The following C13orf42 variants were observed in gnomAD, a reference collection of about 807,000 sequenced individuals.
The protein encoded by C13orf42 is uncharacterized protein C13orf42.
chr13:51,169,688 G>A (rs2138056112), intron 1 of C13orf42, among the ~76,000 whole-genome samples: 1 of 132,606 alleles, frequency 7.5e-6, no homozygotes, highest in Non-Finnish European at 1.7e-5. Flanking sequence ...ATGGCTAAAA[G>A]GGGCCAAGGT....
intron 1 of C13orf42, among the ~76,000 whole-genome samples, chr13:51,163,783 T>C (rs745526678): frequency 3.9e-5 from 6 of 152,140 alleles, no homozygotes; most frequent in Non-Finnish European, 7.3e-5. Flanking sequence ...AGGGTATGCT[T>C]GAGTTATTGC....
At chr13:51,108,174 G>A (rs897400131) in intron 1 of C13orf42, among the ~76,000 whole-genome samples, 3 of 152,086 alleles carry the variant, frequency 2.0e-5, no homozygotes, top group African/African-American at 7.2e-5. Flanking sequence ...TGGGATTAGG[G>A]GCCCACCCTA....
chr13:51,135,218 G>A (rs1203629637), intron 1 of C13orf42, among the ~76,000 whole-genome samples: 6 of 152,178 alleles, frequency 3.9e-5, no homozygotes, highest in Admixed American at 6.5e-5. Context: ...GTGCAGCTGC[G>A]GCTACAACTG....
intron 1 of C13orf42, among the ~76,000 whole-genome samples, chr13:51,131,774 C>T (rs1953618760): frequency 1.3e-5 from 2 of 152,140 alleles, no homozygotes; most frequent in South Asian, 4.1e-4. Context: ...CATGATTTGT[C>T]TTTAGTGAAA....
rs373504594 is a variant in C13orf42 at position 51,085,445 on chromosome 13, C to T, written c.677G>A (p.Arg226Gln). ...HTVHTVDGQF[R>Q]RSTEHRTVGT... ...CACGGTCCTGTGCTCGGTGCTCCTT[C>T]GAAACTGGCCGTCTACAGTATGCAC... Residue 226 changes from arginine to glutamine, a missense_variant, in exon 3 of 4, where the codon CGA becomes CAA. Arg to Gln is a conservative substitution (Grantham distance 43). Coordinates refer to ENST00000563710, the MANE Select transcript of C13orf42 (RefSeq NM_001351589.3). 25 of 398,606 alleles carry T rather than the reference C, an allele frequency of 6.3e-5. No homozygotes were observed. Among genetic ancestry groups the T allele is most frequent in the South Asian group, 3.8e-4 (3 of 7,856 alleles). 24.7% of individuals were successfully genotyped at this position (398,606 alleles called of 1,614,324 possible).
chr13:51,110,852 TGGA>T lies in C13orf42; in HGVS notation c.355_357del (p.Ser119del). On this transcript the variant is annotated inframe_deletion, in exon 1 of 4. Transcript: ENST00000563710. The stretch of plus-strand genomic sequence containing the variant: ...GTCTTTTTCCCTCCCTTGGAGGATT[TGGA>T]GGAGGTTGAGGAAATCCCCTGGGTG... The T allele has an allele frequency of 5.0e-6, 2 of 398,678 alleles. No homozygotes were observed. The highest frequency in any genetic ancestry group is 8.8e-6 in the Non-Finnish European group (2 of 226,088). The allele number at this position is 398,678 out of a possible 1,614,324, so 24.7% of individuals were successfully genotyped here.
chr13:51,102,107 G>C (rs537018607), intron 1 of C13orf42, among the ~76,000 whole-genome samples: 1 of 152,174 alleles, frequency 6.6e-6, no homozygotes, highest in Non-Finnish European at 1.5e-5. Context: ...ATTTTTTGCA[G>C]TTCATATTGA....
chr13:51,163,521 C>A lies in C13orf42; in HGVS notation n.136+8732G>T, dbSNP rs183980055. On this transcript the variant is annotated intron_variant and non_coding_transcript_variant, in intron 1 of 4. Transcript: ENST00000433280. Reference sequence around the variant, plus strand: ...CAGTGAGCAGACAGAAAAACCACTACTGTTTGTAAAAAGCATGCAGTTTCT... The same window carrying A: ...CAGTGAGCAGACAGAAAAACCACTAATGTTTGTAAAAAGCATGCAGTTTCT... Among the ~76,000 whole-genome samples, 113 of 152,270 alleles carry A rather than the reference C, an allele frequency of 7.4e-4. 1 individual carries two copies. The highest frequency in any genetic ancestry group is 2.6e-3 in the African/African-American group (109 of 41,554).
rs1444848861 is a variant in C13orf42, at chr13:51,084,236, G to C, written c.893C>G (p.Ser298Cys). The change falls in exon 4 of 4, where the codon TCT (serine) becomes TGT (cysteine). Residue 298 changes from serine to cysteine, a missense_variant. By Grantham distance (112) the Ser-to-Cys change is moderately radical. Coordinates refer to ENST00000563710, the MANE Select transcript of C13orf42 (RefSeq NM_001351589.3). ...TGTCTCATAGTAGTCCTCCCCAGGA[G>C]ACAACTGGGGCTCCAACGCAAAGAG... is the stretch of plus-strand genomic sequence containing the variant. ...AELFALEPQL[S>C]PGEDYYETEN... 5.0e-6 allele frequency: 2 copies of C among 398,590 alleles called. No homozygotes were observed. Among genetic ancestry groups the C allele is most frequent in the Admixed American group, 8.8e-5 (2 of 22,722 alleles). 24.7% of individuals were successfully genotyped at this position (398,590 alleles called of 1,614,324 possible).
chr13:51,091,098 C>T (rs1209983629), intron 1 of C13orf42, among the ~76,000 whole-genome samples: 1 of 152,218 alleles, frequency 6.6e-6, no homozygotes, highest in African/African-American at 2.4e-5. Context: ...CAATTACCAT[C>T]CCAGGATCAC....
At chr13:51,094,219 C>T (rs1273131261) in intron 1 of C13orf42, among the ~76,000 whole-genome samples, 1 of 152,092 alleles carries the variant, frequency 6.6e-6, no homozygotes, top group Non-Finnish European at 1.5e-5. Context: ...CCAAAGAAAA[C>T]TTAATTTTTA....
intron 1 of C13orf42, among the ~76,000 whole-genome samples, chr13:51,108,661 C>A (rs935864155): frequency 3.9e-5 from 6 of 152,226 alleles, no homozygotes; most frequent in Admixed American, 3.3e-4. Context: ...GAGCCTACTC[C>A]TCACATTATC....
intron 1 of C13orf42, among the ~76,000 whole-genome samples, chr13:51,144,518 T>TCTCCAGAATTG (rs1555268300): frequency 5.1e-5 from 6 of 117,874 alleles, no homozygotes; most frequent in African/African-American, 1.0e-4. Flanking sequence ...TGTTTTCATT[T>TCTCCAGAATTG]GTAACAGGAC....
chr13:51,090,979 G>C (rs1213959801), intron 1 of C13orf42, among the ~76,000 whole-genome samples: 1 of 152,204 alleles, frequency 6.6e-6, no homozygotes, highest in Non-Finnish European at 1.5e-5. Flanking sequence ...CTTTGCTAGA[G>C]GTGAGATTCC....
chr13:51,108,918 T>C (rs188981377), intron 1 of C13orf42, among the ~76,000 whole-genome samples: 2 of 152,366 alleles, frequency 1.3e-5, no homozygotes, highest in Admixed American at 6.5e-5. Flanking sequence ...TCTGCTTCTA[T>C]TCCCTCCATC....
intron 1 of C13orf42, among the ~76,000 whole-genome samples, chr13:51,142,075 G>A (rs7999437): frequency 0.095 from 14,411 of 152,204 alleles, 833 homozygotes; most frequent in East Asian, 0.26. Context: ...AATGATCTTC[G>A]CTTATGTAAT....
Position 51,111,090 on chromosome 13 carries a change from A to T in C13orf42, c.120T>A (p.Tyr40Ter), listed in dbSNP as rs1036779986. 11 of 398,528 alleles carry T rather than the reference A, an allele frequency of 2.8e-5. No individual in the cohort carries two copies. The highest frequency in any genetic ancestry group is 2.3e-4 in the African/African-American group (11 of 48,616). 24.7% of individuals were successfully genotyped at this position (398,528 alleles called of 1,614,324 possible). Reference sequence around the variant, plus strand: ...ATTTCTCCCCGTGGTCCCCGACCACATACATGGAACTGCTTCGAATCAGCT... The same window carrying T: ...ATTTCTCCCCGTGGTCCCCGACCACTTACATGGAACTGCTTCGAATCAGCT... ...AVKLIRSSSM[Y>*]VVGDHGEKFS... The change falls in exon 1 of 4, where the codon TAT becomes TAA. Residue 40 changes from tyrosine to a stop codon, truncating the protein, a stop_gained. Coordinates refer to ENST00000563710, the MANE Select transcript of C13orf42 (RefSeq NM_001351589.3). LOFTEE classifies it high-confidence loss of function.
At chr13:51,157,127 C>T (rs2138044163) in intron 1 of C13orf42, among the ~76,000 whole-genome samples, 1 of 152,312 alleles carries the variant, frequency 6.6e-6, no homozygotes, top group Admixed American at 6.5e-5. Flanking sequence ...GCTCCCTCTG[C>T]CCTTTCCCCA....
intron 1 of C13orf42, among the ~76,000 whole-genome samples, chr13:51,147,266 C>T (rs1015038170): frequency 1.3e-5 from 2 of 152,202 alleles, no homozygotes; most frequent in African/African-American, 2.4e-5. Context: ...GGAGAACAGT[C>T]TCTGTGAGAG....
Sources: gnomAD v4.1 joint callset for allele counts (sites outside exome capture counted in the v4.1 genomes callset) on GRCh38, gnomAD v4.1.1 for gene constraint, MANE v1.5 for transcripts, NCBI Gene and HGNC (gene_info 2026-07-23, HGNC 2026-07-21) for gene names.